The following CFAP54 variants were observed in gnomAD, a reference collection of about 807,000 sequenced individuals.
CFAP54 encodes the protein cilia and flagella associated protein 54.
A neutral mutation model predicts 370.4 loss-of-function variants in CFAP54; 290 were observed. The ratio of observed to expected loss-of-function variants is 0.78; its 90% CI spans 0.71 to 0.86. CFAP54 has a LOEUF of 0.86. CFAP54 is among the 40% of genes least tolerant of loss of function. The pLI, the probability that CFAP54 is intolerant of heterozygous loss-of-function variation, is 0.00. For missense variants in CFAP54, 3,399 were observed against 3,528.7 expected (o/e 0.96, Z 0.93); for synonymous variants, 1,206 against 1,236.5 (o/e 0.98, Z 0.52).
chr12:96,836,318 C>T (rs39657), intron 66 of CFAP54, among the ~76,000 whole-genome samples: 88,139 of 151,966 alleles, frequency 0.58, 26,219 homozygotes, highest in African/African-American at 0.7. Context: ...CCAGGGAAAA[C>T]ATAAGGATTG....
chr12:96,812,637 A>C (rs1476216285), intron 64 of CFAP54, among the ~76,000 whole-genome samples: 1 of 152,158 alleles, frequency 6.6e-6, no homozygotes, highest in Non-Finnish European at 1.5e-5. Flanking sequence ...TTAACCACTA[A>C]CGCCTGTTCC....
At chr12:96,808,802 G>A (rs573886481) in intron 63 of CFAP54, among the ~76,000 whole-genome samples, 12 of 152,250 alleles carry the variant, frequency 7.9e-5, no homozygotes, top group East Asian at 1.9e-4. Flanking sequence ...ACAGGACTGC[G>A]TCAATTACTG....
At chr12:96,827,748 ATACATAGTAACATATTATATTATATATAG>A (rs1959134959) in intron 65 of CFAP54, among the ~76,000 whole-genome samples, 3 of 116,734 alleles carry the variant, frequency 2.6e-5, no homozygotes, top group Non-Finnish European at 3.3e-5. Context: ...ATTATATATA[ATACATAGTAACATATTATATTATATATAG>A]TTATATATAA....
rs977089765 is a variant in CFAP54 at position 96,500,924 on chromosome 12, C to G, written c.408C>G (p.Ser136Arg). Residue 136 changes from serine (S) to arginine (R), a missense_variant, in exon 2 of 68, where the codon AGC becomes AGG. Ser to Arg is a moderately radical substitution (Grantham distance 110). This residue lies in a region of CFAP54 where 559 missense variants were observed against 576.7 expected (regional missense o/e 0.97). Transcript: ENST00000524981. ...AAAAGCTTCTGAAGGTTGGAGATAG[C>G]CTTTGTCAAATGAAAGTAAGTGCCT... ...YNEKLLKVGD[S>R]LCQMKEYKLA... 1.3e-6 allele frequency: 2 copies of G among 1,533,784 alleles called. No homozygotes were observed. Among genetic ancestry groups the G allele is most frequent in the South Asian group, 2.4e-5 (2 of 83,780 alleles).
At chr12:96,747,064 G>A (rs1316513735) in intron 55 of CFAP54, among the ~76,000 whole-genome samples, 6 of 152,070 alleles carry the variant, frequency 3.9e-5, no homozygotes, top group African/African-American at 1.2e-4. Flanking sequence ...CCTCCATTAC[G>A]ACATAAGCTT....
At chr12:96,732,124 G>C (rs766762969) in intron 50 of CFAP54, among the ~76,000 whole-genome samples, 1 of 151,986 alleles carries the variant, frequency 6.6e-6, no homozygotes, top group Non-Finnish European at 1.5e-5. Flanking sequence ...GTGTGTGTGT[G>C]TGTGTGTGCG....
intron 39 of CFAP54, among the ~76,000 whole-genome samples, chr12:96,665,700 A>T (rs575283449): frequency 1.3e-5 from 2 of 152,322 alleles, no homozygotes; most frequent in South Asian, 2.1e-4. Context: ...TACCAGCACC[A>T]TGCTGTTTTG....
intron 60 of CFAP54, among the ~76,000 whole-genome samples, chr12:96,779,347 T>G (rs1451825063): frequency 2.6e-5 from 4 of 152,184 alleles, no homozygotes; most frequent in Non-Finnish European, 5.9e-5. Context: ...GTCTGACTTC[T>G]GTTCACCCCT....
Position 96,534,756 on chromosome 12 carries a change from C to T in CFAP54, c.1705+529C>T, listed in dbSNP as rs540854650. ...TAATTCCAGGTTTTTAATGTTTTGC[C>T]ATGTTCTTAAGATATTGCATGGCTT... is the stretch of plus-strand genomic sequence containing the variant. On this transcript the variant is annotated intron_variant, in intron 11 of 67. Transcript: ENST00000524981. 4.4e-4 allele frequency among the ~76,000 whole-genome samples: 67 copies of T among 152,226 alleles called. 1 individual carries two copies. The South Asian group carries it at 5.4e-3, about 12-fold the overall frequency.
intron 48 of CFAP54, among the ~76,000 whole-genome samples, chr12:96,715,319 G>A (rs1269467204): frequency 6.6e-6 from 1 of 152,054 alleles, no homozygotes; most frequent in African/African-American, 2.4e-5. Context: ...CAGGGGTGCC[G>A]ATGTCAACAG....
Position 96,650,067 on chromosome 12 carries a change from G to A in CFAP54, c.4867G>A (p.Ala1623Thr), listed in dbSNP as rs2136501749. 6.2e-7 allele frequency: 1 copy of A among 1,605,560 alleles called. No individual in the cohort carries two copies. The highest frequency in any genetic ancestry group is 1.7e-4 in the Middle Eastern group (1 of 5,994). The change falls in exon 35 of 68, where the codon GCA (alanine) becomes ACA (threonine). Residue 1623 changes from alanine to threonine, a missense_variant. Physicochemically the swap from Ala to Thr is moderately conservative, Grantham distance 58 (BLOSUM62 0). Around this residue, in one of 3 missense-constraint regions of CFAP54, gnomAD observed 2,796 missense variants for 2,869.7 expected, o/e 0.97. Coordinates refer to ENST00000524981, the MANE Select transcript of CFAP54 (RefSeq NM_001306084.2). ...GAAAATCTTTTTATACTGCAGGAGA[G>A]CAATGGTAATGCAATCTTTCTTGTT... Reference protein sequence around the residue: ...FMKIFLYCRRAMVLAHRGGYW... With the variant: ...FMKIFLYCRRTMVLAHRGGYW...
chr12:96,847,885 C>T (rs551206060), intron 66 of CFAP54, among the ~76,000 whole-genome samples: 2 of 152,194 alleles, frequency 1.3e-5, no homozygotes, highest in African/African-American at 2.4e-5. Context: ...ACAGCTGTGG[C>T]TCTGTCGTTG....
At position 96,847,243 on chromosome 12, in the gene CFAP54, G is replaced by A. The variant is rs144270383; in HGVS notation, c.9172-13576G>A. On this transcript the variant is annotated intron_variant, in intron 66 of 67. Transcript: ENST00000524981. Reference sequence around the variant, plus strand: ...CAGCCATGCCCTCTCCCAGTGAGCCGCCCTCCCTCCCAGCACTCTCCTGGT... The same window carrying A: ...CAGCCATGCCCTCTCCCAGTGAGCCACCCTCCCTCCCAGCACTCTCCTGGT... Among the ~76,000 whole-genome samples, 561 of 151,892 alleles carry A rather than the reference G, an allele frequency of 3.7e-3. 3 individuals carry two copies. Among genetic ancestry groups the A allele is most frequent in the African/African-American group, 0.013 (530 of 41,436 alleles).
chr12:96,516,113 C>T (rs1321840801), intron 5 of CFAP54, among the ~76,000 whole-genome samples: 2 of 151,968 alleles, frequency 1.3e-5, no homozygotes, highest in African/African-American at 4.8e-5. Flanking sequence ...GACAGGGTTT[C>T]ACCTTGTTAG....
chr12:96,793,517 T>C (rs1470576380), intron 63 of CFAP54, among the ~76,000 whole-genome samples: 1 of 152,216 alleles, frequency 6.6e-6, no homozygotes, highest in Non-Finnish European at 1.5e-5. Context: ...AACGTTCGTG[T>C]GCAAGTATTT....
At chr12:96,837,974 C>T (rs1238434256) in intron 66 of CFAP54, among the ~76,000 whole-genome samples, 6 of 152,200 alleles carry the variant, frequency 3.9e-5, no homozygotes, top group Admixed American at 3.9e-4. Flanking sequence ...TGATACACTT[C>T]TGATATCTTT....
At chr12:96,719,125 T>C (rs1957719714) in intron 49 of CFAP54, among the ~76,000 whole-genome samples, 1 of 152,148 alleles carries the variant, frequency 6.6e-6, no homozygotes, top group South Asian at 2.1e-4. Flanking sequence ...ATAATAGTGA[T>C]GACAATGGCA....
chr12:96,578,885 C>T (rs1009087845), intron 20 of CFAP54, among the ~76,000 whole-genome samples: 5 of 152,132 alleles, frequency 3.3e-5, no homozygotes, highest in African/African-American at 1.2e-4. Flanking sequence ...AAAGTTAGTA[C>T]TGATTTGTTC....
At position 96,742,479 on chromosome 12, in the gene CFAP54, T is replaced by C. The variant is rs750173366; in HGVS notation, c.7112T>C (p.Ile2371Thr). Residue 2371 changes from isoleucine (I) to threonine (T), a missense_variant, in exon 52 of 68, where the codon ATT becomes ACT. Transcript: ENST00000524981. ...GATGACAGTGAGTTTTTAGATCCTATTTCCCTAAATGCCCGAGAATATTTC... is the reference window on the plus strand; with the variant it reads ...GATGACAGTGAGTTTTTAGATCCTACTTCCCTAAATGCCCGAGAATATTTC... ...NKDDSEFLDP[I>T]SLNAREYFNI... 2.5e-6 allele frequency: 4 copies of C among 1,604,636 alleles called. No individual in the cohort carries two copies. The highest frequency in any genetic ancestry group is 2.6e-6 in the Non-Finnish European group (3 of 1,172,104).
Sources: gnomAD v4.1 joint callset for allele counts (sites outside exome capture counted in the v4.1 genomes callset) on GRCh38, gnomAD v4.1.1 for gene constraint, gnomAD v4.1.1 regional missense constraint, MANE v1.5 for transcripts, NCBI Gene and HGNC (gene_info 2026-07-23, HGNC 2026-07-21) for gene names.